SPNS3: variants seen among roughly 807,000 people sequenced by gnomAD.
The protein encoded by SPNS3 is protein spinster homolog 3.
SPNS3 carries 51 observed loss-of-function variants against 54.4 expected under a neutral mutation model. That is an observed-to-expected ratio of 0.94 (90% CI 0.75 to 1.18). SPNS3 has a LOEUF of 1.18. Ranked by LOEUF, SPNS3 falls within the 50% of genes most tolerant of loss-of-function variation. The pLI is 0.00. For synonymous variants in SPNS3, 309 were observed against 294.7 expected (o/e 1.05, Z -0.50); for missense variants, 669 against 677.4 (o/e 0.99, Z 0.14).
chr17:4,441,065 A>T (rs1409112778), intron 2 of SPNS3, among the ~76,000 whole-genome samples: 1 of 152,134 alleles, frequency 6.6e-6, no homozygotes, highest in African/African-American at 2.4e-5. Flanking sequence ...AACTGAATAA[A>T]CTCAACCCTG....
At chr17:4,443,475 C>T (rs1970905080) in intron 2 of SPNS3, among the ~76,000 whole-genome samples, 1 of 152,210 alleles carries the variant, frequency 6.6e-6, no homozygotes, top group Non-Finnish European at 1.5e-5. Context: ...CAAAGCTAAA[C>T]ACTTCCGTAT....
intron 8 of SPNS3, 124 bp from the exon 9 acceptor site, chr17:4,478,448 A>G: frequency 3.6e-6 from 3 of 838,912 alleles, no homozygotes; most frequent in Non-Finnish European, 5.7e-6. Flanking sequence ...CGCTCACTCC[A>G]ATAAGTCTCA....
intron 8 of SPNS3, among the ~76,000 whole-genome samples, chr17:4,453,420 C>T (rs549152391): frequency 9.4e-4 from 143 of 152,274 alleles, no homozygotes; most frequent in African/African-American, 3.4e-3. Context: ...AGGTCAAGGC[C>T]GGCCTGGCCA....
rs1234098980 is a variant in SPNS3, at chr17:4,483,310, TAG to T, written c.1180-2915_1180-2914del. 6.6e-6 allele frequency: 1 copy of T among 152,214 alleles called. No individual in the cohort carries two copies. The highest frequency in any genetic ancestry group is 1.5e-5 in the Non-Finnish European group (1 of 68,046). 9.4% of individuals were successfully genotyped at this position (152,214 alleles called of 1,614,324 possible). On this transcript the variant is annotated intron_variant, in intron 9 of 11. Coordinates refer to ENST00000355530, the MANE Select transcript of SPNS3 (RefSeq NM_182538.5). This position sits in a 1 kb window ranked among gnomAD's most constrained non-coding sequence, Gnocchi z 4.2. Reference sequence around the variant, plus strand: ...AAACAGAGGTGTTTTTGTCTCAGAATAGAGTGAGCCTGGATTTTTGGGAACCC... The same window carrying T: ...AAACAGAGGTGTTTTTGTCTCAGAATAGTGAGCCTGGATTTTTGGGAACCC...
At chr17:4,460,429 ATTT>A (rs34851131) in intron 8 of SPNS3, among the ~76,000 whole-genome samples, 7 of 98,910 alleles carry the variant, frequency 7.1e-5, no homozygotes, top group South Asian at 7.2e-4. Flanking sequence ...GTATTGCTGG[ATTT>A]TTTTTTTTTT....
Position 4,448,175 on chromosome 17 carries a change from C to T in SPNS3, c.642C>T (p.Ala214=), listed in dbSNP as rs201399306. Residue 214 remains alanine, a synonymous_variant, in exon 6 of 12, where the codon GCC becomes GCT. Transcript: ENST00000355530. The part of the protein sequence containing the change: ...WALRVMPCLE[A]VALILLILLV... ...CCCAGGTCATGCCCTGCCTGGAGGC[C>T]GTGGCCTTGATCCTGCTTATCCTGC... 3.5e-5 allele frequency: 56 copies of T among 1,598,948 alleles called. No homozygotes were observed. Among genetic ancestry groups the T allele is most frequent in the Non-Finnish European group, 4.4e-5 (52 of 1,173,474 alleles).
intron 8 of SPNS3, among the ~76,000 whole-genome samples, chr17:4,475,662 G>T (rs1438682113): frequency 6.6e-6 from 1 of 152,186 alleles, no homozygotes; most frequent in African/African-American, 2.4e-5. Flanking sequence ...AGAGATGTTT[G>T]GGGACAGGGG....
chr17:4,487,041 A>G (rs551775713), intron 11 of SPNS3, among the ~76,000 whole-genome samples: 1 of 151,844 alleles, frequency 6.6e-6, no homozygotes, highest in Non-Finnish European at 1.5e-5. Flanking sequence ...GTGCGGTGGC[A>G]CACACCTGTA....
At chr17:4,434,827 C>T (rs1247703080) in intron 1 of SPNS3, among the ~76,000 whole-genome samples, 2 of 122,158 alleles carry the variant, frequency 1.6e-5, no homozygotes, top group Non-Finnish European at 3.4e-5. Context: ...TTTCTTGAGA[C>T]AGAGTCTCAA....
At chr17:4,443,124 G>C (rs977355661) in intron 2 of SPNS3, among the ~76,000 whole-genome samples, 4 of 151,978 alleles carry the variant, frequency 2.6e-5, no homozygotes, top group African/African-American at 9.7e-5. Flanking sequence ...AGGCTGGAGT[G>C]CAGTGGTGCG....
At chr17:4,449,520 C>A in intron 7 of SPNS3, 133 bp downstream of exon 7, 2 of 1,133,010 alleles carry the variant, frequency 1.8e-6, no homozygotes, top group Non-Finnish European at 2.4e-6. Context: ...CAGTGGAGCT[C>A]AGGACCCAGA....
chr17:4,443,898 C>T (rs796114813), intron 2 of SPNS3, among the ~76,000 whole-genome samples: 11 of 152,278 alleles, frequency 7.2e-5, no homozygotes, highest in Admixed American at 5.2e-4. Flanking sequence ...CCCAGGAGTT[C>T]GAGACCAGCC....
chr17:4,488,072 A>C lies in SPNS3; in HGVS notation c.*178A>C. The stretch of plus-strand genomic sequence containing the variant: ...CTGGGCTGGGAATGGAGCTGTCAGC[A>C]CTCTGCGTGGGAGGCCTGGGCCTGT... On this transcript the variant is annotated 3_prime_UTR_variant, in exon 12 of 12. Transcript: ENST00000355530. 1.6e-6 allele frequency: 1 copy of C among 624,696 alleles called. No homozygotes were observed. The highest frequency in any genetic ancestry group is 2.8e-6 in the Non-Finnish European group (1 of 355,616). 38.7% of individuals were successfully genotyped at this position (624,696 alleles called of 1,614,324 possible). A position where few individuals can be genotyped will look rare whatever the true frequency, so the allele number is the denominator to read the frequency against.
chr17:4,479,951 T>A (rs1223374858), intron 9 of SPNS3, among the ~76,000 whole-genome samples: 1 of 152,206 alleles, frequency 6.6e-6, no homozygotes. Flanking sequence ...AATTTTCCAT[T>A]TTCTCATTTT....
At chr17:4,467,471 T>C (rs1215560527) in intron 8 of SPNS3, among the ~76,000 whole-genome samples, 9 of 152,088 alleles carry the variant, frequency 5.9e-5, no homozygotes, top group Non-Finnish European at 1.2e-4. Flanking sequence ...CTGACCTTAC[T>C]CACCTCCGGC....
intron 1 of SPNS3, among the ~76,000 whole-genome samples, chr17:4,435,447 AAAAAAAT>A (rs1394916104): frequency 1.3e-4 from 20 of 148,378 alleles, no homozygotes; most frequent in South Asian, 6.3e-4. Flanking sequence ...TCTCAAAAAA[AAAAAAAT>A]AAAAAATAAA....
intron 1 of SPNS3, among the ~76,000 whole-genome samples, chr17:4,439,204 A>G (rs1026955117): frequency 6.7e-6 from 1 of 150,136 alleles, no homozygotes; most frequent in Non-Finnish European, 1.5e-5. Flanking sequence ...GCTCACTGCA[A>G]CCTCCACCTC....
intron 2 of SPNS3, 72 bp from the exon 3 acceptor site, chr17:4,444,960 C>A (rs1970942870): frequency 6.5e-7 from 1 of 1,535,606 alleles, no homozygotes; most frequent in Non-Finnish European, 8.8e-7. Context: ...GGCTCCTTCC[C>A]TGGGCCTGCT....
At chr17:4,446,490 T>C in intron 4 of SPNS3, 1 of 480,316 alleles carries the variant, frequency 2.1e-6, no homozygotes, top group South Asian at 3.0e-5. Flanking sequence ...GGGCCGGCTA[T>C]GGGAGGTAAG....
Sources: gnomAD v4.1 joint callset for allele counts (sites outside exome capture counted in the v4.1 genomes callset) on GRCh38, gnomAD v4.1.1 for gene constraint, Gnocchi (gnomAD v3.1) non-coding constraint, MANE v1.5 for transcripts, NCBI Gene and HGNC (gene_info 2026-07-23, HGNC 2026-07-21) for gene names.